The following BCAS3 variants were observed in gnomAD, a reference collection of about 807,000 sequenced individuals.
BCAS3 encodes the protein BCAS3 microtubule associated cell migration factor.
In BCAS3, 53 loss-of-function variants were observed where a neutral mutation model predicts 116.1. That is an observed-to-expected ratio of 0.46 (90% confidence interval 0.37 to 0.57). BCAS3 has a LOEUF of 0.57. BCAS3 is among the 20% of genes least tolerant of loss of function. The pLI is 0.00. For synonymous variants in BCAS3, 391 were observed against 408.2 expected (o/e 0.96, Z 0.51); for missense variants, 917 against 1,165.4 (o/e 0.79, Z 3.10).
intron 14 of BCAS3, among the ~76,000 whole-genome samples, chr17:60,958,189 A>C (rs952996461): frequency 1.3e-5 from 2 of 152,204 alleles, no homozygotes; most frequent in African/African-American, 2.4e-5. Flanking sequence ...TTCTCAATAC[A>C]CTGGACCAGA....
intron 22 of BCAS3, among the ~76,000 whole-genome samples, chr17:61,237,706 G>A (rs1032892561): frequency 2.6e-5 from 4 of 152,214 alleles, no homozygotes; most frequent in Non-Finnish European, 5.9e-5. Flanking sequence ...GAGACTCAGA[G>A]AAACGAAGTA....
chr17:60,827,527 T>C lies in BCAS3; in HGVS notation c.476+19451T>C, dbSNP rs145284794. ...ATGTGTTCATATTCCCAGTAGAAGCTCATATAGTATAAAGCTACATGTGTG... is the reference window on the plus strand; with the variant it reads ...ATGTGTTCATATTCCCAGTAGAAGCCCATATAGTATAAAGCTACATGTGTG... On this transcript the variant is annotated intron_variant, in intron 7 of 23. Coordinates refer to ENST00000407086, the MANE Select transcript of BCAS3 (RefSeq NM_017679.5). Among the ~76,000 whole-genome samples the C allele has an allele frequency of 7.1e-3, 1,088 of 152,254 alleles. 9 individuals are homozygous for C. The highest frequency in any genetic ancestry group is 0.024 in the Middle Eastern group (7 of 294).
At chr17:60,785,805 A>T (rs2046235995) in intron 6 of BCAS3, among the ~76,000 whole-genome samples, 1 of 152,220 alleles carries the variant, frequency 6.6e-6, no homozygotes, top group Non-Finnish European at 1.5e-5. Flanking sequence ...TGTAGTTTCC[A>T]CATCTGTGGA....
At chr17:60,932,208 A>T (rs1170669074) in intron 13 of BCAS3, among the ~76,000 whole-genome samples, 1 of 152,104 alleles carries the variant, frequency 6.6e-6, no homozygotes, top group Non-Finnish European at 1.5e-5. Context: ...TATCTTTTCA[A>T]TGTGTTCGCT....
intron 5 of BCAS3, among the ~76,000 whole-genome samples, chr17:60,720,893 G>A (rs1209918984): frequency 6.6e-6 from 1 of 152,152 alleles, no homozygotes; most frequent in Non-Finnish European, 1.5e-5. Flanking sequence ...AGTATTTGTA[G>A]TGTTTTCTTG....
At chr17:60,850,486 G>C (rs1366332489) in intron 7 of BCAS3, among the ~76,000 whole-genome samples, 2 of 151,002 alleles carry the variant, frequency 1.3e-5, no homozygotes, top group East Asian at 4.0e-4. Context: ...AGCCTCCTGA[G>C]AAGCTGGGAT....
intron 6 of BCAS3, among the ~76,000 whole-genome samples, chr17:60,771,103 C>T (rs188112391): frequency 2.0e-4 from 31 of 152,176 alleles, no homozygotes; most frequent in Admixed American, 3.3e-4. Context: ...CCACCACGCC[C>T]AGCCCCCAAA....
chr17:61,152,278 G>A (rs901664131), intron 22 of BCAS3, among the ~76,000 whole-genome samples: 10 of 152,078 alleles, frequency 6.6e-5, no homozygotes, highest in Admixed American at 5.9e-4. Context: ...CTATCAGAGT[G>A]CCCTTTTTTC....
intron 7 of BCAS3, chr17:60,851,406 A>G (rs561019172): frequency 9.8e-6 from 4 of 409,044 alleles, no homozygotes; most frequent in African/African-American, 6.3e-5. Context: ...GGTCAGCTCC[A>G]CCGAAGGGGC....
intron 12 of BCAS3, among the ~76,000 whole-genome samples, chr17:60,916,239 C>G (rs979837439): frequency 1.3e-5 from 2 of 152,186 alleles, no homozygotes; most frequent in African/African-American, 4.8e-5. Flanking sequence ...AGTGCCTGTG[C>G]TATTTTATAT....
At chr17:60,840,322 A>T (rs959756894) in intron 7 of BCAS3, among the ~76,000 whole-genome samples, 1 of 152,208 alleles carries the variant, frequency 6.6e-6, no homozygotes, top group Non-Finnish European at 1.5e-5. Flanking sequence ...AATTTTAAAG[A>T]TGCAGAAGGT....
chr17:60,898,982 G>A (rs1410115352), intron 10 of BCAS3, among the ~76,000 whole-genome samples: 2 of 152,046 alleles, frequency 1.3e-5, no homozygotes, highest in African/African-American at 2.4e-5. Flanking sequence ...CCAAAGAAGT[G>A]GATTGGTTTG....
intron 6 of BCAS3, among the ~76,000 whole-genome samples, chr17:60,779,954 G>A (rs2045650525): frequency 1.3e-5 from 2 of 151,640 alleles, no homozygotes; most frequent in Middle Eastern, 3.2e-3. Context: ...ATATTTTTGG[G>A]AAAATATTCA....
intron 22 of BCAS3, among the ~76,000 whole-genome samples, chr17:61,269,713 T>C (rs2050070894): frequency 6.6e-6 from 1 of 152,252 alleles, no homozygotes; most frequent in African/African-American, 2.4e-5. Flanking sequence ...AGTAATGTTC[T>C]GCTAGCAACT....
intron 12 of BCAS3, among the ~76,000 whole-genome samples, chr17:60,911,213 C>T (rs1453672063): frequency 1.4e-5 from 2 of 138,822 alleles, no homozygotes; most frequent in African/African-American, 5.2e-5. Flanking sequence ...ATCTCTGCCT[C>T]CTGGATTCAG....
intron 21 of BCAS3, among the ~76,000 whole-genome samples, chr17:61,081,637 T>C (rs1886565450): frequency 6.6e-6 from 1 of 152,226 alleles, no homozygotes; most frequent in South Asian, 2.1e-4. Flanking sequence ...CAGGTAAGCT[T>C]GGTTGGGACC....
rs763944312 is a variant in BCAS3, at chr17:61,244,715, T to C, written c.2426-123612T>C. Among the ~76,000 whole-genome samples, 54 of 151,878 alleles carry C rather than the reference T, an allele frequency of 3.6e-4. No individual in the cohort carries two copies. The highest frequency in any genetic ancestry group is 1.3e-4 in the Admixed American group (2 of 15,218). ...CATCTCTACTAAAAATACAAAAAAT[T>C]AGCAGGGCGTGGTGGTGGGCACCTG... On this transcript the variant is annotated intron_variant, in intron 22 of 23. Transcript: ENST00000407086. The surrounding 1 kb of genome is among the most constrained non-coding windows in gnomAD (Gnocchi z 4.9).
chr17:60,959,988 A>C (rs1030760224), intron 14 of BCAS3, among the ~76,000 whole-genome samples: 3 of 152,146 alleles, frequency 2.0e-5, no homozygotes, highest in African/African-American at 7.2e-5. Flanking sequence ...GTAAAGATAC[A>C]TGTGATTGTT....
intron 22 of BCAS3, among the ~76,000 whole-genome samples, chr17:61,133,116 T>C (rs1039503689): frequency 1.3e-5 from 2 of 152,144 alleles, no homozygotes; most frequent in African/African-American, 4.8e-5. Flanking sequence ...TTCTGGGCTT[T>C]TTACCTCTGT....
Sources: allele counts gnomAD v4.1 joint callset (sites outside exome capture counted in the v4.1 genomes callset), GRCh38; gene constraint gnomAD v4.1.1; non-coding constraint Gnocchi (gnomAD v3.1); transcripts MANE v1.5; gene names NCBI Gene and HGNC (gene_info 2026-07-23, HGNC 2026-07-21).